The following VANGL1 variants were observed in gnomAD, a reference collection of about 807,000 sequenced individuals.
VANGL1 encodes vang-like protein 1.
In VANGL1, 18 loss-of-function variants were observed where a neutral mutation model predicts 48.4. The observed-to-expected ratio is 0.37, with a 90% CI of 0.26 to 0.55. The LOEUF is 0.55. Among genes scored for constraint, VANGL1 ranks in the 20% least tolerant of loss-of-function variants. The probability of loss-of-function intolerance (pLI) is 0.81; values close to 1 mark genes in which losing one functional copy is unlikely to be tolerated. For missense variants in VANGL1, 667 were observed against 675.8 expected (o/e 0.99, Z 0.14); for synonymous variants, 257 against 261.8 (o/e 0.98, Z 0.18).
At chr1:115,652,652 G>C (rs2101308943) in intron 2 of VANGL1, among the ~76,000 whole-genome samples, 1 of 152,284 alleles carries the variant, frequency 6.6e-6, no homozygotes, top group Non-Finnish European at 1.5e-5. Context: ...GCACTGGCTT[G>C]GGAATAGTGA....
At chr1:115,687,934 T>TTAGGTAGATAGA (rs1553190222) in intron 7 of VANGL1, among the ~76,000 whole-genome samples, 1 of 107,508 alleles carries the variant, frequency 9.3e-6, no homozygotes, top group African/African-American at 3.7e-5. Context: ...ATATCATTCA[T>TTAGGTAGATAGA]TAGGTAGATA....
chr1:115,672,496 C>G (rs1653015200), intron 4 of VANGL1, among the ~76,000 whole-genome samples: 1 of 152,152 alleles, frequency 6.6e-6, no homozygotes, highest in African/African-American at 2.4e-5. Flanking sequence ...ATCTGTTTCC[C>G]TTTGCGGGAT....
At position 115,685,392 on chromosome 1, in the gene VANGL1, C is replaced by T. The variant is rs370067272; in HGVS notation, c.1179C>T (p.Ala393=). 31 of 1,613,996 alleles carry T rather than the reference C, an allele frequency of 1.9e-5. No homozygotes were observed. The highest frequency in any genetic ancestry group is 3.3e-5 in the South Asian group (3 of 91,082). ...APGEVMDPRE[A]AQAIFPSMAR... Reference sequence around the variant, plus strand: ...GGGAGGTGATGGACCCTAGGGAGGCCGCCCAGGCCATTTTCCCCTCCATGG... The same window carrying T: ...GGGAGGTGATGGACCCTAGGGAGGCTGCCCAGGCCATTTTCCCCTCCATGG... The change falls in exon 7 of 8, where the codon GCC becomes GCT. Residue 393 remains alanine, a synonymous_variant. Transcript: ENST00000355485.
At chr1:115,672,558 C>T (rs753625712) in intron 4 of VANGL1, among the ~76,000 whole-genome samples, 5 of 151,608 alleles carry the variant, frequency 3.3e-5, no homozygotes, top group Non-Finnish European at 7.4e-5. Flanking sequence ...GGATCTCCCC[C>T]TCTATCTTGA....
intron 7 of VANGL1, among the ~76,000 whole-genome samples, chr1:115,687,737 G>GTT (rs1653682471): frequency 7.8e-6 from 1 of 128,616 alleles, no homozygotes; most frequent in Non-Finnish European, 1.7e-5. Context: ...GTGTGTGTGT[G>GTT]TGTGTGTGTG....
rs891407119 is a variant in VANGL1 at position 115,694,324 on chromosome 1, A to G, written c.*2945A>G. On this transcript the variant is annotated 3_prime_UTR_variant, in exon 8 of 8. Transcript: ENST00000355485. ...TCTGTTCTTGCCTTTTGACATCTACATGGAAGACAAGTTCTTTACAGCAAA... is the reference window on the plus strand; with the variant it reads ...TCTGTTCTTGCCTTTTGACATCTACGTGGAAGACAAGTTCTTTACAGCAAA... The G allele has an allele frequency of 1.3e-5, 2 of 152,196 alleles. No homozygotes were observed. Among genetic ancestry groups the G allele is most frequent in the African/African-American group, 4.8e-5 (2 of 41,452 alleles). 9.4% of individuals were successfully genotyped at this position (152,196 alleles called of 1,614,324 possible).
chr1:115,650,134 G>A (rs74114599), intron 1 of VANGL1, among the ~76,000 whole-genome samples: 1,736 of 152,322 alleles, frequency 0.011, 35 homozygotes, highest in African/African-American at 0.04. Context: ...ATTCCCTCCA[G>A]ACTTATGTGT....
Position 115,691,456 on chromosome 1 carries a change from CT to C in VANGL1, c.*83del. ...ATATATATCTATGCCAGAGGGGTGT[CT>C]TTTTTAAAAATTCTTCTTCATTGCT... On this transcript the variant is annotated 3_prime_UTR_variant, in exon 8 of 8. Coordinates refer to ENST00000355485, the MANE Select transcript of VANGL1 (RefSeq NM_138959.3). 28 of 1,477,484 alleles carry C rather than the reference CT, an allele frequency of 1.9e-5. No homozygotes were observed. Among genetic ancestry groups the C allele is most frequent in the Middle Eastern group, 2.2e-4 (1 of 4,586 alleles). The allele number at this position is 1,477,484 out of a possible 1,614,324, so 91.5% of individuals were successfully genotyped here.
In VANGL1 at chr1:115,689,567, C is replaced by T. The variant is rs1474427984; in HGVS notation, c.1315-1552C>T. Among the ~76,000 whole-genome samples, 5 of 135,380 alleles carry T rather than the reference C, an allele frequency of 3.7e-5. 2 individuals are homozygous for T. Among genetic ancestry groups the T allele is most frequent in the East Asian group, 4.1e-4 (2 of 4,820 alleles). The allele number at this position is 135,380 out of a possible 152,430, so 88.8% of individuals were successfully genotyped here. On this transcript the variant is annotated intron_variant, in intron 7 of 7. Transcript: ENST00000355485. Reference sequence around the variant, plus strand: ...CAGGAGAATTGCTTGAAACGGGAGGCGGAGGTTGCAGTGAGCTGAGATCGT... The same window carrying T: ...CAGGAGAATTGCTTGAAACGGGAGGTGGAGGTTGCAGTGAGCTGAGATCGT...
intron 2 of VANGL1, among the ~76,000 whole-genome samples, chr1:115,657,455 T>C (rs1447211953): frequency 6.6e-6 from 1 of 152,202 alleles, no homozygotes; most frequent in Non-Finnish European, 1.5e-5. Context: ...GTCTGTAGAA[T>C]GAAGACAATG....
Position 115,692,301 on chromosome 1 carries a change from C to T in VANGL1, c.*922C>T, listed in dbSNP as rs142123586. ...TTCCTCCCCACTGTTCTACACCAAC[C>T]AGGGGAGACTAACACTGTGACTCTG... On this transcript the variant is annotated 3_prime_UTR_variant, in exon 8 of 8. Transcript: ENST00000355485. 1.9e-3 allele frequency: 290 copies of T among 152,872 alleles called. 2 individuals are homozygous for T. Among genetic ancestry groups the T allele is most frequent in the East Asian group, 0.013 (70 of 5,190 alleles). 9.5% of individuals were successfully genotyped at this position (152,872 alleles called of 1,614,324 possible).
At position 115,651,292 on chromosome 1, in the gene VANGL1, A is replaced by G; in HGVS notation, c.-122A>G. On this transcript the variant is annotated 5_prime_UTR_variant, in exon 2 of 8. Coordinates refer to ENST00000355485, the MANE Select transcript of VANGL1 (RefSeq NM_138959.3). The stretch of plus-strand genomic sequence containing the variant: ...TCTTTCCCAGAATTTGTTCCTGTTG[A>G]AGAGTGGCTCCTCTTCTAATTTCCA... 1 of 793,328 alleles carries G rather than the reference A, an allele frequency of 1.3e-6. No individual in the cohort carries two copies. The highest frequency in any genetic ancestry group is 2.1e-6 in the Non-Finnish European group (1 of 471,996). The allele number at this position is 793,328 out of a possible 1,614,324, so 49.1% of individuals were successfully genotyped here. A position where few individuals can be genotyped will look rare whatever the true frequency, so the allele number is the denominator to read the frequency against.
At chr1:115,663,380 G>A (rs1652640893) in intron 3 of VANGL1, among the ~76,000 whole-genome samples, 2 of 152,150 alleles carry the variant, frequency 1.3e-5, no homozygotes, top group Non-Finnish European at 2.9e-5. Context: ...TTCAACCCAG[G>A]GGATGATAAT....
chr1:115,657,847 C>T (rs1652405324), intron 2 of VANGL1, among the ~76,000 whole-genome samples: 1 of 152,186 alleles, frequency 6.6e-6, no homozygotes, highest in Non-Finnish European at 1.5e-5. Context: ...AGCTTACAGT[C>T]ATGGCAGAAA....
intron 4 of VANGL1, among the ~76,000 whole-genome samples, chr1:115,681,575 C>T (rs914193749): frequency 3.4e-5 from 5 of 147,056 alleles, no homozygotes; most frequent in Non-Finnish European, 4.4e-5. Flanking sequence ...GGTGCAGTCT[C>T]GGCTCACTGC....
At chr1:115,646,096 A>G (rs1046790322) in intron 1 of VANGL1, among the ~76,000 whole-genome samples, 6 of 152,216 alleles carry the variant, frequency 3.9e-5, no homozygotes, top group African/African-American at 1.4e-4. Flanking sequence ...TAGGATTTTT[A>G]TATGAGTGAA....
intron 3 of VANGL1, among the ~76,000 whole-genome samples, chr1:115,661,474 A>G (rs936095755): frequency 1.0e-5 from 1 of 99,674 alleles, no homozygotes; most frequent in Non-Finnish European, 1.8e-5. Context: ...CCTGCTTAGC[A>G]TAATGATTTT....
Position 115,663,713 on chromosome 1 carries a change from G to A in VANGL1, c.257G>A (p.Ser86Asn). Reference protein sequence around the residue: ...TTAITGTSEHSISQEDIARIS... With the variant: ...TTAITGTSEHNISQEDIARIS... The stretch of plus-strand genomic sequence containing the variant: ...GCCATCACAGGCACCTCGGAGCACA[G>A]CATATCCCAAGAGGACATTGCCAGG... Residue 86 changes from serine (S) to asparagine (N), a missense_variant, in exon 4 of 8, where the codon AGC becomes AAC. Coordinates refer to ENST00000355485, the MANE Select transcript of VANGL1 (RefSeq NM_138959.3). 1.2e-6 allele frequency: 2 copies of A among 1,614,206 alleles called. No homozygotes were observed. Among genetic ancestry groups the A allele is most frequent in the Non-Finnish European group, 1.7e-6 (2 of 1,180,038 alleles).
At position 115,694,646 on chromosome 1, in the gene VANGL1, C is replaced by T. The variant is rs1457146079; in HGVS notation, c.*3267C>T. Reference sequence around the variant, plus strand: ...CCAACCTACGTACTGAGTGAGTGCTCCAGCCACTCAGTGAAACCAACAAAA... The same window carrying T: ...CCAACCTACGTACTGAGTGAGTGCTTCAGCCACTCAGTGAAACCAACAAAA... On this transcript the variant is annotated 3_prime_UTR_variant, in exon 8 of 8. Coordinates refer to ENST00000355485, the MANE Select transcript of VANGL1 (RefSeq NM_138959.3). 1 of 152,278 alleles carries T rather than the reference C, an allele frequency of 6.6e-6. No individual in the cohort carries two copies. Among genetic ancestry groups the T allele is most frequent in the South Asian group, 2.1e-4 (1 of 4,824 alleles). The allele number at this position is 152,278 out of a possible 1,614,324, so 9.4% of individuals were successfully genotyped here.
Sources: gnomAD v4.1 joint callset for allele counts (sites outside exome capture counted in the v4.1 genomes callset) on GRCh38, gnomAD v4.1.1 for gene constraint, MANE v1.5 for transcripts, NCBI Gene and HGNC (gene_info 2026-07-23, HGNC 2026-07-21) for gene names.